The following MAGEA3 variants were observed in gnomAD, a reference collection of about 807,000 sequenced individuals.
The protein encoded by MAGEA3 is MAGE family member A3.
For missense variants in MAGEA3, 207 were observed against 239.1 expected, an observed-to-expected ratio of 0.87 and a Z score of 0.89; for synonymous variants, 110 against 102.2, an observed-to-expected ratio of 1.08 and a Z score of -0.46.
chrX:152,701,288 C>G lies in MAGEA3; in HGVS notation c.456C>G (p.Ser152Arg), dbSNP rs1556826402. 4.0e-5 allele frequency: 48 copies of G among 1,207,842 alleles called. No homozygotes were observed. Among genetic ancestry groups the G allele is most frequent in the Middle Eastern group, 2.3e-4 (1 of 4,366 alleles). The stretch of plus-strand genomic sequence containing the variant: ...AGTATTTCTTTCCTGTGATCTTCAG[C>G]AAAGCTTCCAGTTCCTTGCAGCTGG... ...NWQYFFPVIF[S>R]KASSSLQLVF... The change falls in exon 3 of 3, where the codon AGC (serine) becomes AGG (arginine). Residue 152 changes from serine to arginine, a missense_variant. Coordinates refer to ENST00000370278, the MANE Select transcript of MAGEA3 (RefSeq NM_005362.4).
chrX:152,700,651 C>T lies in MAGEA3; in HGVS notation c.-102C>T, dbSNP rs5970361. 1.3e-5 allele frequency: 11 copies of T among 842,182 alleles called. No individual in the cohort carries two copies. In the African/African-American group the frequency reaches 1.8e-4, roughly 14 times the overall value. 69.4% of individuals were successfully genotyped at this position (842,182 alleles called of 1,213,427 possible). A position where few individuals can be genotyped will look rare whatever the true frequency, so the allele number is the denominator to read the frequency against. On this transcript the variant is annotated 5_prime_UTR_variant, in exon 2 of 3. Transcript: ENST00000370278. ...TGAGGGGACAGGCTGACCTGGAGGA[C>T]CAGAGGCCCCCGGAGGAGCACTGAA...
At position 152,701,150 on chromosome X, in the gene MAGEA3, A is replaced by G. The variant is rs1556826225; in HGVS notation, c.318A>G (p.Gln106=). The change falls in exon 3 of 3, where the codon CAA becomes CAG. Residue 106 remains glutamine (Q), a synonymous_variant. Transcript: ENST00000370278. Reference sequence around the variant, plus strand: ...TCCCTGACCTGGAGTCCGAGTTCCAAGCAGCACTCAGTAGGAAGGTGGCCG... The same window carrying G: ...TCCCTGACCTGGAGTCCGAGTTCCAGGCAGCACTCAGTAGGAAGGTGGCCG... The part of the protein sequence containing the change: ...STFPDLESEF[Q]AALSRKVAEL... 170 of 1,207,051 alleles carry G rather than the reference A, an allele frequency of 1.4e-4. 1 individual carries two copies. In the African/African-American group the frequency reaches 2.4e-3, roughly 17 times the overall value.
Position 152,700,658 on chromosome X carries a change from C to G in MAGEA3, c.-95C>G. 2 of 825,989 alleles carry G rather than the reference C, an allele frequency of 2.4e-6. No homozygotes were observed. Among genetic ancestry groups the G allele is most frequent in the South Asian group, 2.0e-5 (1 of 49,355 alleles). The allele number at this position is 825,989 out of a possible 1,213,427, so 68.1% of individuals were successfully genotyped here. ...ACAGGCTGACCTGGAGGACCAGAGG[C>G]CCCCGGAGGAGCACTGAAGGAGAAG... On this transcript the variant is annotated 5_prime_UTR_variant, in exon 2 of 3. Coordinates refer to ENST00000370278, the MANE Select transcript of MAGEA3 (RefSeq NM_005362.4).
Position 152,701,513 on chromosome X carries a change from G to T in MAGEA3, c.681G>T (p.Val227=), listed in dbSNP as rs782266084. 1 of 1,208,857 alleles carries T rather than the reference G, an allele frequency of 8.3e-7. No individual in the cohort carries two copies. The highest frequency in any genetic ancestry group is 2.2e-5 in the Admixed American group (1 of 45,877). Residue 227 remains valine, a synonymous_variant, in exon 3 of 3, where the codon GTG becomes GTT. Coordinates refer to ENST00000370278, the MANE Select transcript of MAGEA3 (RefSeq NM_005362.4). ...AGAAAATCTGGGAGGAGCTGAGTGT[G>T]TTAGAGGTGTTTGAGGGGAGGGAAG... The part of the protein sequence containing the change: ...PEEKIWEELS[V]LEVFEGREDS...
chrX:152,701,633 A>G lies in MAGEA3; in HGVS notation c.801A>G (p.Ala267=). The G allele has an allele frequency of 8.3e-7, 1 of 1,210,417 alleles. No homozygotes were observed. Among genetic ancestry groups the G allele is most frequent in the East Asian group, 3.0e-5 (1 of 33,801 alleles). ...EYRQVPGSDP[A]CYEFLWGPRA... is the part of the protein sequence containing the mutation. ...GGCAGGTCCCCGGCAGTGATCCTGC[A>G]TGTTATGAATTCCTGTGGGGTCCAA... Residue 267 remains alanine (A), a synonymous_variant, in exon 3 of 3, where the codon GCA becomes GCG. Coordinates refer to ENST00000370278, the MANE Select transcript of MAGEA3 (RefSeq NM_005362.4).
chrX:152,701,363 C>T lies in MAGEA3; in HGVS notation c.531C>T (p.Ile177=). ...TGGACCCCATCGGCCACTTGTACAT[C>T]TTTGCCACCTGCCTGGGCCTCTCCT... The part of the protein sequence containing the change: ...MEVDPIGHLY[I]FATCLGLSYD... The change falls in exon 3 of 3, where the codon ATC becomes ATT. Residue 177 remains isoleucine, a synonymous_variant. Transcript: ENST00000370278. 8.3e-7 allele frequency: 1 copy of T among 1,210,414 alleles called. No homozygotes were observed. The highest frequency in any genetic ancestry group is 1.1e-6 in the Non-Finnish European group (1 of 894,551).
intron 1 of MAGEA3, 33 bp from the exon 2 acceptor site, chrX:152,700,589 T>C (rs1333100374): frequency 3.3e-6 from 2 of 607,249 alleles, no homozygotes; most frequent in African/African-American, 2.4e-5. Flanking sequence ...TGGCCGGATG[T>C]ACCCTGAGGT....
At chrX:152,700,295 C>T (rs1440843485) in intron 1 of MAGEA3, among the ~76,000 whole-genome samples, 4 of 106,209 alleles carry the variant, frequency 3.8e-5, no homozygotes, top group African/African-American at 1.1e-4. Flanking sequence ...CAGAGTCTGG[C>T]CAACCCTCCT....
At position 152,700,594 on chromosome X, in the gene MAGEA3, T is replaced by C. The variant is rs1459738277; in HGVS notation, c.-131-28T>C. ...CAGCATGCGCTGGCCGGATGTACCC[T>C]GAGGTGCCCTCTCACTTCCTCCTTC... On this transcript the variant is annotated intron_variant, in intron 1 of 2. Transcript: ENST00000370278. 9.7e-6 allele frequency: 6 copies of C among 618,130 alleles called. No individual in the cohort carries two copies. The East Asian group carries it at 1.9e-4, about 20-fold the overall frequency. The allele number at this position is 618,130 out of a possible 1,213,427, so 50.9% of individuals were successfully genotyped here.
intron 1 of MAGEA3, 67 bp from the exon 2 acceptor site, chrX:152,700,555 C>G: frequency 3.7e-6 from 2 of 544,863 alleles, no homozygotes; most frequent in Non-Finnish European, 6.6e-6. Context: ...TCAATACTTT[C>G]AGTCCTGCAG....
chrX:152,700,215 A>T (rs1417577042), intron 1 of MAGEA3, among the ~76,000 whole-genome samples: 6 of 109,035 alleles, frequency 5.5e-5, no homozygotes, highest in Non-Finnish European at 1.1e-4. Flanking sequence ...ATTAGGCCCT[A>T]TAAGGAGAAA....
chrX:152,700,652 C>A lies in MAGEA3; in HGVS notation c.-101C>A. ...GAGGGGACAGGCTGACCTGGAGGAC[C>A]AGAGGCCCCCGGAGGAGCACTGAAG... On this transcript the variant is annotated 5_prime_UTR_variant, in exon 2 of 3. Coordinates refer to ENST00000370278, the MANE Select transcript of MAGEA3 (RefSeq NM_005362.4). 4 of 841,628 alleles carry A rather than the reference C, an allele frequency of 4.8e-6. No individual in the cohort carries two copies. Among genetic ancestry groups the A allele is most frequent in the Non-Finnish European group, 7.1e-6 (4 of 563,870 alleles). The allele number at this position is 841,628 out of a possible 1,213,427, so 69.4% of individuals were successfully genotyped here. A position where few individuals can be genotyped will look rare whatever the true frequency, so the allele number is the denominator to read the frequency against.
rs2124947572 is a variant in MAGEA3 at position 152,701,647 on chromosome X, T to A, written c.815T>A (p.Leu272Gln). ...PGSDPACYEFLWGPRALVETS... is the reference protein window; with the variant it reads ...PGSDPACYEFQWGPRALVETS... ...AGTGATCCTGCATGTTATGAATTCC[T>A]GTGGGGTCCAAGGGCCCTCGTTGAA... Residue 272 changes from leucine (L) to glutamine (Q), a missense_variant, in exon 3 of 3, where the codon CTG becomes CAG. Leu to Gln is a moderately radical substitution (Grantham distance 113, BLOSUM62 -2). Coordinates refer to ENST00000370278, the MANE Select transcript of MAGEA3 (RefSeq NM_005362.4). The A allele has an allele frequency of 8.3e-7, 1 of 1,210,441 alleles. No homozygotes were observed. Among genetic ancestry groups the A allele is most frequent in the South Asian group, 1.8e-5 (1 of 56,875 alleles).
Position 152,700,881 on chromosome X carries a change from G to C in MAGEA3, c.49G>C (p.Glu17Gln). ...SQHCKPEEGL[E>Q]ARGEALGLVG... ...GCACTGCAAGCCTGAAGAAGGCCTT[G>C]AGGCCCGAGGAGAGGCCCTGGGCCT... The change falls in exon 3 of 3, where the codon GAG (glutamate) becomes CAG (glutamine). Residue 17 changes from glutamate to glutamine, a missense_variant. Glu to Gln is a conservative substitution (Grantham distance 29). Transcript: ENST00000370278. 1.0e-6 allele frequency: 1 copy of C among 959,011 alleles called. No individual in the cohort carries two copies. The highest frequency in any genetic ancestry group is 2.2e-5 in the African/African-American group (1 of 46,493). The allele number at this position is 959,011 out of a possible 1,213,427, so 79.0% of individuals were successfully genotyped here. A position where few individuals can be genotyped will look rare whatever the true frequency, so the allele number is the denominator to read the frequency against.
In MAGEA3 at chrX:152,701,539, A is replaced by G. The variant is rs1556826819; in HGVS notation, c.707A>G (p.Asp236Gly). The G allele has an allele frequency of 8.8e-5, 106 of 1,208,787 alleles. No individual in the cohort carries two copies. The highest frequency in any genetic ancestry group is 1.1e-4 in the Non-Finnish European group (99 of 894,265). The change falls in exon 3 of 3, where the codon GAC becomes GGC. Residue 236 changes from aspartate to glycine, a missense_variant. Transcript: ENST00000370278. ...TTAGAGGTGTTTGAGGGGAGGGAAG[A>G]CAGTATCTTGGGGGATCCCAAGAAG... ...SVLEVFEGRE[D>G]SILGDPKKLL...
At position 152,701,391 on chromosome X, in the gene MAGEA3, G is replaced by A. The variant is rs1556826582; in HGVS notation, c.559G>A (p.Asp187Asn). ...IFATCLGLSY[D>N]GLLGDNQIMP... ...TGCCACCTGCCTGGGCCTCTCCTAC[G>A]ATGGCCTGCTGGGTGACAATCAGAT... The change falls in exon 3 of 3, where the codon GAT becomes AAT. Residue 187 changes from aspartate (D) to asparagine (N), a missense_variant. By Grantham distance (23) the Asp-to-Asn change is conservative. Transcript: ENST00000370278. 94 of 1,208,842 alleles carry A rather than the reference G, an allele frequency of 7.8e-5. No homozygotes were observed. Among genetic ancestry groups the A allele is most frequent in the East Asian group, 7.4e-4 (25 of 33,697 alleles).
rs1931797178 is a variant in MAGEA3 at position 152,702,133 on chromosome X, A to G, written c.*356A>G. ...AATCCATTCCATTTTGTGAATTGTG[A>G]CATAATAATAGCAGTGGTAAAAGTA... On this transcript the variant is annotated 3_prime_UTR_variant, in exon 3 of 3. Transcript: ENST00000370278. The G allele has an allele frequency of 1.2e-5, 3 of 250,235 alleles. No individual in the cohort carries two copies. The highest frequency in any genetic ancestry group is 2.2e-5 in the Non-Finnish European group (3 of 134,644). 20.6% of individuals were successfully genotyped at this position (250,235 alleles called of 1,213,427 possible).
rs1931752598 is a variant in MAGEA3 at position 152,701,359 on chromosome X, A to G, written c.527A>G (p.Tyr176Cys). Residue 176 changes from tyrosine to cysteine, a missense_variant, in exon 3 of 3, where the codon TAC (tyrosine) becomes TGC (cysteine). Coordinates refer to ENST00000370278, the MANE Select transcript of MAGEA3 (RefSeq NM_005362.4). The part of the protein sequence containing the change: ...LMEVDPIGHL[Y>C]IFATCLGLSY... ...GAAGTGGACCCCATCGGCCACTTGT[A>G]CATCTTTGCCACCTGCCTGGGCCTC... is the stretch of plus-strand genomic sequence containing the variant. 27 of 1,208,802 alleles carry G rather than the reference A, an allele frequency of 2.2e-5. No homozygotes were observed. The highest frequency in any genetic ancestry group is 2.8e-5 in the Non-Finnish European group (25 of 894,273).
At position 152,701,968 on chromosome X, in the gene MAGEA3, C is replaced by A; in HGVS notation, c.*191C>A. 1 of 474,529 alleles carries A rather than the reference C, an allele frequency of 2.1e-6. No homozygotes were observed. Among genetic ancestry groups the A allele is most frequent in the South Asian group, 3.8e-5 (1 of 26,653 alleles). The allele number at this position is 474,529 out of a possible 1,213,427, so 39.1% of individuals were successfully genotyped here. A position where few individuals can be genotyped will look rare whatever the true frequency, so the allele number is the denominator to read the frequency against. ...ATGACTTTGAGATTATTCTTTGTTT[C>A]CTGTTGGAGTTGTTCAAATGTTCCT... On this transcript the variant is annotated 3_prime_UTR_variant, in exon 3 of 3. Coordinates refer to ENST00000370278, the MANE Select transcript of MAGEA3 (RefSeq NM_005362.4).
Sources: gnomAD v4.1 joint callset for allele counts (sites outside exome capture counted in the v4.1 genomes callset) on GRCh38, gnomAD v4.1.1 for gene constraint, MANE v1.5 for transcripts, NCBI Gene and HGNC (gene_info 2026-07-23, HGNC 2026-07-21) for gene names.